The following PLCB4 variants were observed in gnomAD, a reference collection of about 807,000 sequenced individuals.
PLCB4 encodes the protein phospholipase C beta 4, also known as 1-phosphatidylinositol 4,5-bisphosphate phosphodiesterase beta-4.
Under a neutral mutation model 178.8 loss-of-function variants are expected in PLCB4, and 77 were observed. The ratio of observed to expected loss-of-function variants is 0.43; its 90% CI spans 0.36 to 0.52. The LOEUF (loss-of-function observed/expected upper bound fraction) is 0.52. PLCB4 is among the 20% of genes least tolerant of loss of function. The probability of loss-of-function intolerance (pLI) is 0.00; values close to 1 mark genes in which losing one functional copy is unlikely to be tolerated. For missense variants in PLCB4, 1,024 were observed against 1,453.4 expected (o/e 0.70, Z 4.80); for synonymous variants, 496 against 490.8 (o/e 1.01, Z -0.14).
chr20:9,232,593 A>T (rs1321700244), intron 3 of PLCB4, among the ~76,000 whole-genome samples: 1 of 152,160 alleles, frequency 6.6e-6, no homozygotes, highest in Admixed American at 6.6e-5. Flanking sequence ...AAGTATGGAA[A>T]CTTCACTTAT....
intron 28 of PLCB4, among the ~76,000 whole-genome samples, chr20:9,431,129 G>A (rs1010530065): frequency 1.3e-5 from 2 of 152,158 alleles, no homozygotes; most frequent in African/African-American, 2.4e-5. Flanking sequence ...CTCTCTGAAG[G>A]CTCTCGGGAA....
rs1281535245 is a variant in PLCB4, at chr20:9,393,718, AC to A, written c.1414+41del. The stretch of plus-strand genomic sequence containing the variant: ...CACATTTATAATGGAAGCATACATA[AC>A]ATGTGTGGACATTTCAGCTGTTGAG... On this transcript the variant is annotated intron_variant, in intron 18 of 39. Transcript: ENST00000378473. 3.3e-6 allele frequency: 4 copies of A among 1,202,432 alleles called. No individual in the cohort carries two copies. The Admixed American group carries it at 5.1e-5, about 15-fold the overall frequency. 74.5% of individuals were successfully genotyped at this position (1,202,432 alleles called of 1,614,324 possible).
intron 12 of PLCB4, among the ~76,000 whole-genome samples, chr20:9,375,827 C>T (rs1328113618): frequency 2.0e-5 from 3 of 152,018 alleles, no homozygotes; most frequent in Non-Finnish European, 4.4e-5. Flanking sequence ...AAACAATGAG[C>T]AAAGCAAAAA....
Position 9,407,937 on chromosome 20 carries a change from T to A in PLCB4, c.1668T>A (p.Asp556Glu). 1 of 1,613,672 alleles carries A rather than the reference T, an allele frequency of 6.2e-7. No homozygotes were observed. Among genetic ancestry groups the A allele is most frequent in the Non-Finnish European group, 8.5e-7 (1 of 1,179,820 alleles). The part of the protein sequence containing the change: ...NNKKGLVTVE[D>E]EQAWMASYKY... ...TGTAGGGCCTGGTCACTGTAGAAGA[T>A]GAGCAGGCGTGGATGGCATCTTATA... Residue 556 changes from aspartate (D) to glutamate (E), a missense_variant, in exon 22 of 40, where the codon GAT becomes GAA. Transcript: ENST00000378473.
intron 32 of PLCB4, among the ~76,000 whole-genome samples, chr20:9,444,716 C>T (rs887799790): frequency 3.3e-5 from 5 of 151,996 alleles, no homozygotes; most frequent in Non-Finnish European, 1.5e-5. Context: ...GAGCTGAGAT[C>T]GTGCCATTGC....
intron 9 of PLCB4, 65 bp from the exon 10 acceptor site, chr20:9,371,149 C>A: frequency 9.8e-7 from 1 of 1,017,092 alleles, no homozygotes; most frequent in Non-Finnish European, 1.6e-6. Flanking sequence ...GGACCTGGAT[C>A]TTTGCATCAG....
chr20:9,445,607 C>T (rs916686201), intron 32 of PLCB4, among the ~76,000 whole-genome samples: 2 of 152,190 alleles, frequency 1.3e-5, no homozygotes, highest in African/African-American at 4.8e-5. Context: ...CCCTGTATTA[C>T]AGAACTGTTG....
intron 30 of PLCB4, among the ~76,000 whole-genome samples, chr20:9,440,045 G>A (rs534403692): frequency 6.6e-6 from 1 of 152,308 alleles, no homozygotes; most frequent in South Asian, 2.1e-4. Context: ...TGGGACAAGT[G>A]GGCTGTCTTC....
rs369847430 is a variant in PLCB4 at position 9,453,466 on chromosome 20, A to G, written c.2996+4A>G. ...AGAAGGCAATGAAGAAGAAGGGGTA[A>G]TACTGTTTATTTCCTTCTGAAGACT... On this transcript the variant is annotated splice_donor_region_variant and intron_variant, in intron 33 of 39. Coordinates refer to ENST00000378473, the MANE Select transcript of PLCB4 (RefSeq NM_001377142.1). 104 of 1,459,436 alleles carry G rather than the reference A, an allele frequency of 7.1e-5. No individual in the cohort carries two copies. The highest frequency in any genetic ancestry group is 2.1e-4 in the South Asian group (18 of 87,610). The allele number at this position is 1,459,436 out of a possible 1,614,324, so 90.4% of individuals were successfully genotyped here. A position where few individuals can be genotyped will look rare whatever the true frequency, so the allele number is the denominator to read the frequency against.
At chr20:9,434,487 T>C (rs559347334) in intron 28 of PLCB4, among the ~76,000 whole-genome samples, 35 of 152,300 alleles carry the variant, frequency 2.3e-4, no homozygotes, top group African/African-American at 7.9e-4. Context: ...GTGACTCTCC[T>C]GCCTCAGCTT....
At chr20:9,285,181 T>A (rs1468511986) in intron 3 of PLCB4, among the ~76,000 whole-genome samples, 1 of 151,660 alleles carries the variant, frequency 6.6e-6, no homozygotes, top group Non-Finnish European at 1.5e-5. Context: ...ATGTAAACAA[T>A]TTAGAAATTT....
At chr20:9,346,152 A>G (rs2033773928) in intron 7 of PLCB4, among the ~76,000 whole-genome samples, 1 of 152,174 alleles carries the variant, frequency 6.6e-6, no homozygotes, top group African/African-American at 2.4e-5. Flanking sequence ...TTCAGTTTTA[A>G]TTATACTGTA....
At chr20:9,098,660 C>G (rs955808112) in intron 2 of PLCB4, among the ~76,000 whole-genome samples, 22 of 149,194 alleles carry the variant, frequency 1.5e-4, no homozygotes, top group African/African-American at 5.5e-4. Context: ...ATATGTTAGT[C>G]TCATATATAT....
intron 3 of PLCB4, among the ~76,000 whole-genome samples, chr20:9,282,261 G>A (rs1005382049): frequency 6.6e-6 from 1 of 151,872 alleles, no homozygotes; most frequent in African/African-American, 2.4e-5. Context: ...TGTCTTCTAG[G>A]TATAGGCTTT....
intron 30 of PLCB4, among the ~76,000 whole-genome samples, chr20:9,440,141 A>T (rs906934709): frequency 9.9e-5 from 15 of 152,206 alleles, no homozygotes; most frequent in Admixed American, 8.5e-4. Context: ...GAAAGTACAG[A>T]TGCTCCTTGA....
chr20:9,423,088 C>T (rs1036277998), intron 27 of PLCB4, among the ~76,000 whole-genome samples: 3 of 152,096 alleles, frequency 2.0e-5, no homozygotes, highest in African/African-American at 7.2e-5. Flanking sequence ...TCATTTATTC[C>T]GTTTGGGGAT....
chr20:9,447,187 T>G (rs1479634211), intron 32 of PLCB4, among the ~76,000 whole-genome samples: 1 of 152,200 alleles, frequency 6.6e-6, no homozygotes, highest in African/African-American at 2.4e-5. Context: ...CTGTTAGCTT[T>G]TGCAGGGTAA....
At chr20:9,474,495 G>A (rs772339323) in intron 38 of PLCB4, among the ~76,000 whole-genome samples, 1 of 152,050 alleles carries the variant, frequency 6.6e-6, no homozygotes, top group Non-Finnish European at 1.5e-5. Context: ...TTATTCCTAG[G>A]TAATTCAATT....
intron 2 of PLCB4, among the ~76,000 whole-genome samples, chr20:9,214,560 G>GAAAC (rs2093707791): frequency 2.1e-5 from 3 of 145,488 alleles, no homozygotes; most frequent in Admixed American, 2.1e-4. Flanking sequence ...AAACACCCCA[G>GAAAC]ACACACACAC....
Sources: gnomAD v4.1 joint callset for allele counts (sites outside exome capture counted in the v4.1 genomes callset) on GRCh38, gnomAD v4.1.1 for gene constraint, MANE v1.5 for transcripts, NCBI Gene and HGNC (gene_info 2026-07-23, HGNC 2026-07-21) for gene names.